MTMR9: variants seen among roughly 807,000 people sequenced by gnomAD.
MTMR9 encodes the protein myotubularin related protein 9, also known as myotubularin-related protein 9.
MTMR9 carries 39 observed loss-of-function variants against 69.5 expected under a neutral mutation model. The ratio of observed to expected loss-of-function variants is 0.56; its 90% CI spans 0.43 to 0.73. MTMR9 has a LOEUF of 0.73. Ranked by LOEUF, MTMR9 falls within the 30% of genes least tolerant of loss-of-function variation. The probability of loss-of-function intolerance (pLI) is 0.00; values close to 1 mark genes in which losing one functional copy is unlikely to be tolerated. For synonymous variants in MTMR9, 354 were observed against 240.8 expected (o/e 1.47, Z -4.35); for missense variants, 900 against 671.2 (o/e 1.34, Z -3.77).
intron 2 of MTMR9, among the ~76,000 whole-genome samples, chr8:11,296,227 T>C (rs1360853699): frequency 6.6e-6 from 1 of 152,206 alleles, no homozygotes; most frequent in African/African-American, 2.4e-5. Context: ...TGATTTGTTT[T>C]CTACGTTTTA....
rs373013971 is a variant in MTMR9, at chr8:11,304,928, G to A, written c.505G>A (p.Asp169Asn). 5.0e-6 allele frequency: 8 copies of A among 1,613,958 alleles called. No individual in the cohort carries two copies. Among genetic ancestry groups the A allele is most frequent in the African/African-American group, 1.3e-5 (1 of 74,894 alleles). ...PPIVTVPKSIDDEALRKVATF... is the reference protein window; with the variant it reads ...PPIVTVPKSINDEALRKVATF... ...AATTGTCACAGTGCCCAAATCCATC[G>A]ATGATGAAGCTCTTCGGAAGGTAGC... Residue 169 changes from aspartate (D) to asparagine (N), a missense_variant, in exon 4 of 10, where the codon GAT (aspartate) becomes AAT (asparagine). Transcript: ENST00000221086.
intron 3 of MTMR9, chr8:11,300,703 A>G (rs1019059730): frequency 6.6e-6 from 1 of 152,300 alleles, no homozygotes; most frequent in Non-Finnish European, 1.5e-5. Flanking sequence ...GTATACAAAA[A>G]CGAATTGAAT....
chr8:11,294,829 G>C (rs923309880), intron 1 of MTMR9: 2 of 155,834 alleles, frequency 1.3e-5, no homozygotes, highest in African/African-American at 4.8e-5. Context: ...TGTATCACTT[G>C]GAAGTAAGGG....
At chr8:11,330,988 C>G, downstream of MTMR9, 1 of 1,465,630 alleles carries the variant, frequency 6.8e-7, no homozygotes, top group Non-Finnish European at 9.0e-7. Flanking sequence ...AGGCGTGCTA[C>G]CACCTCAGGA....
chr8:11,313,702 G>C (rs1187289259), intron 6 of MTMR9, among the ~76,000 whole-genome samples: 1 of 152,176 alleles, frequency 6.6e-6, no homozygotes, highest in African/African-American at 2.4e-5. Flanking sequence ...GGAGCAGTGA[G>C]AACACACACA....
chr8:11,310,174 C>G (rs897275669), intron 6 of MTMR9, among the ~76,000 whole-genome samples: 2 of 152,186 alleles, frequency 1.3e-5, no homozygotes, highest in Admixed American at 1.3e-4. Context: ...ATCTGGATCT[C>G]AAGTTGAGAA....
intron 1 of MTMR9, among the ~76,000 whole-genome samples, chr8:11,288,163 ATAATTAT>A (rs1799248893): frequency 7.4e-6 from 1 of 134,250 alleles, no homozygotes; most frequent in Non-Finnish European, 1.5e-5. Context: ...GAATAGGTGA[ATAATTAT>A]TTATTCACCT....
chr8:11,292,343 C>T (rs143787734), intron 1 of MTMR9, among the ~76,000 whole-genome samples: 210 of 152,222 alleles, frequency 1.4e-3, no homozygotes, highest in African/African-American at 4.8e-3. Context: ...GGGTGGCAAG[C>T]CATTTACTTG....
At chr8:11,297,531 G>GTTT (rs58238612) in intron 2 of MTMR9, among the ~76,000 whole-genome samples, 2 of 142,332 alleles carry the variant, frequency 1.4e-5, no homozygotes, top group Non-Finnish European at 3.1e-5. Flanking sequence ...GGGTTTTGTG[G>GTTT]TTTTTTTTTT....
intron 3 of MTMR9, chr8:11,300,866 G>A (rs2117389823): frequency 6.6e-6 from 1 of 152,326 alleles, no homozygotes; most frequent in South Asian, 2.1e-4. Context: ...TCAATTGGAA[G>A]ACAATATTGT....
chr8:11,329,548 G>A (rs776670161), downstream of MTMR9, among the ~76,000 whole-genome samples: 10 of 152,356 alleles, frequency 6.6e-5, no homozygotes, highest in East Asian at 7.7e-4. Flanking sequence ...GCTCCTAACC[G>A]CGAGTGATCC....
chr8:11,285,008 C>A lies in MTMR9; in HGVS notation c.120C>A (p.Ser40=). 3 of 1,613,510 alleles carry A rather than the reference C, an allele frequency of 1.9e-6. No individual in the cohort carries two copies. The South Asian group carries it at 3.3e-5, about 18-fold the overall frequency. ...CLTGHHLILS[S]RQDNTEELWL... ...CGGGCCACCACTTGATCCTGTCCTC[C>A]CGGCAGGACAATACGGAGGAGCTGT... The change falls in exon 1 of 10, where the codon TCC becomes TCA. Residue 40 remains serine (S), a synonymous_variant. Coordinates refer to ENST00000221086, the MANE Select transcript of MTMR9 (RefSeq NM_015458.4).
chr8:11,320,018 T>A, intron 9 of MTMR9, 180 bp downstream of exon 9: 1 of 424,126 alleles, frequency 2.4e-6, no homozygotes, highest in South Asian at 5.2e-5. Flanking sequence ...TAGCCACACT[T>A]TTTTTTTTTT....
chr8:11,304,244 C>G (rs1261053708), intron 3 of MTMR9, among the ~76,000 whole-genome samples: 4 of 152,068 alleles, frequency 2.6e-5, no homozygotes. Context: ...AAAGGTGTTA[C>G]CAATCTTAGT....
At chr8:11,312,621 C>A (rs1032721150) in intron 6 of MTMR9, among the ~76,000 whole-genome samples, 1 of 152,204 alleles carries the variant, frequency 6.6e-6, no homozygotes, top group Non-Finnish European at 1.5e-5. Flanking sequence ...GTGGAATCAA[C>A]TTCTTCCAAA....
intron 3 of MTMR9, among the ~76,000 whole-genome samples, chr8:11,300,933 G>T (rs889696026): frequency 3.9e-5 from 6 of 152,164 alleles, no homozygotes; most frequent in African/African-American, 1.4e-4. Flanking sequence ...GATATTTTAA[G>T]CTTTGCAGGT....
chr8:11,330,164 C>G (rs1417114328), downstream of MTMR9, among the ~76,000 whole-genome samples: 1 of 150,672 alleles, frequency 6.6e-6, no homozygotes, highest in African/African-American at 2.4e-5. Flanking sequence ...GGGATCAGCC[C>G]CCGCCCGGCC....
chr8:11,317,061 T>C (rs556555038), intron 8 of MTMR9, 168 bp downstream of exon 8: 8 of 471,256 alleles, frequency 1.7e-5, no homozygotes, highest in Non-Finnish European at 2.9e-5. Context: ...TATATTCTTT[T>C]ATGAGAGCAT....
At chr8:11,303,516 CTG>C (rs1377183543) in intron 3 of MTMR9, among the ~76,000 whole-genome samples, 3 of 151,894 alleles carry the variant, frequency 2.0e-5, no homozygotes, top group Non-Finnish European at 2.9e-5. Context: ...TCTTTAGAAA[CTG>C]TGTTTTTTTT....
Sources: gnomAD v4.1 joint callset for allele counts (sites outside exome capture counted in the v4.1 genomes callset) on GRCh38, gnomAD v4.1.1 for gene constraint, MANE v1.5 for transcripts, NCBI Gene and HGNC (gene_info 2026-07-23, HGNC 2026-07-21) for gene names.